The following KIFC3 variants were observed in gnomAD, a reference collection of about 807,000 sequenced individuals.
The protein encoded by KIFC3 is kinesin-like protein KIFC3.
Under a neutral mutation model 101.8 loss-of-function variants are expected in KIFC3, and 60 were observed. The observed-to-expected ratio is 0.59, with a 90% CI of 0.48 to 0.73. The LOEUF (loss-of-function observed/expected upper bound fraction) is 0.73. Among genes scored for constraint, KIFC3 ranks in the 30% least tolerant of loss-of-function variants. KIFC3 has a pLI of 0.00. For synonymous variants in KIFC3, 476 were observed against 482.7 expected, an observed-to-expected ratio of 0.99 and a Z score of 0.18; for missense variants, 966 against 1,137.1, an observed-to-expected ratio of 0.85 and a Z score of 2.16.
chr16:57,840,058 C>T (rs1328398149), intron 1 of KIFC3, among the ~76,000 whole-genome samples: 1 of 152,138 alleles, frequency 6.6e-6, no homozygotes, highest in South Asian at 2.1e-4. Flanking sequence ...CCTAGCTTAG[C>T]CAGCCAAGGT....
intron 1 of KIFC3, among the ~76,000 whole-genome samples, chr16:57,827,008 G>C (rs372342807): frequency 1.3e-5 from 2 of 152,162 alleles, no homozygotes; most frequent in South Asian, 2.1e-4. Flanking sequence ...TGCTAGGAAG[G>C]CTCTGCAACT....
chr16:57,800,992 A>G (rs2054687794), intron 1 of KIFC3, among the ~76,000 whole-genome samples: 3 of 152,152 alleles, frequency 2.0e-5, no homozygotes, highest in South Asian at 4.1e-4. Flanking sequence ...CATTATCTCC[A>G]TCTATAAAAT....
At chr16:57,824,372 T>A (rs1381484002) in intron 1 of KIFC3, among the ~76,000 whole-genome samples, 1 of 152,138 alleles carries the variant, frequency 6.6e-6, no homozygotes, top group Non-Finnish European at 1.5e-5. Context: ...AAATGAGATG[T>A]TCACTGCAGA....
chr16:57,844,086 C>T (rs1386590756), intron 1 of KIFC3, among the ~76,000 whole-genome samples: 6 of 149,044 alleles, frequency 4.0e-5, no homozygotes, highest in African/African-American at 7.5e-5. Context: ...CCAGCCTGGG[C>T]GACAGAGTGA....
chr16:57,789,179 G>T (rs74022046), intron 3 of KIFC3, among the ~76,000 whole-genome samples: 4,989 of 152,304 alleles, frequency 0.033, 287 homozygotes, highest in African/African-American at 0.11. Flanking sequence ...GGACCCCCAG[G>T]ACTGCCAAGG....
intron 13 of KIFC3, 21 bp downstream of exon 13, chr16:57,762,119 C>T (rs374874086): frequency 1.3e-5 from 21 of 1,576,926 alleles, no homozygotes; most frequent in African/African-American, 1.3e-5. Flanking sequence ...AGGCCTGCTC[C>T]GCACACCCTG....
intron 3 of KIFC3, chr16:57,774,149 G>C (rs986489170): frequency 6.6e-6 from 1 of 152,268 alleles, no homozygotes; most frequent in African/African-American, 2.4e-5. Flanking sequence ...GCCAGGCAGG[G>C]AGGCAGAGCT....
In KIFC3 at chr16:57,762,134, T is replaced by A; in HGVS notation, c.1748+6A>T. 4 of 1,549,696 alleles carry A rather than the reference T, an allele frequency of 2.6e-6. No individual in the cohort carries two copies. The highest frequency in any genetic ancestry group is 2.6e-6 in the Non-Finnish European group (3 of 1,145,834). The stretch of plus-strand genomic sequence containing the variant: ...AGGCCTGCTCCGCACACCCTGGGGC[T>A]CCCACCTGAGGACCTCATTGTAGAT... On this transcript the variant is annotated splice_donor_region_variant and intron_variant, in intron 13 of 19. Transcript: ENST00000445690.
chr16:57,859,481 A>G (rs1447881489), intron 1 of KIFC3, among the ~76,000 whole-genome samples: 1 of 152,186 alleles, frequency 6.6e-6, no homozygotes, highest in Non-Finnish European at 1.5e-5. Context: ...AAAGAGTCTC[A>G]CTAAGGAGAT....
At chr16:57,801,616 G>A (rs1225936912) in intron 1 of KIFC3, among the ~76,000 whole-genome samples, 1 of 152,270 alleles carries the variant, frequency 6.6e-6, no homozygotes, top group Non-Finnish European at 1.5e-5. Context: ...GAAGGTGAAA[G>A]ACCAGGGGTG....
In KIFC3 at chr16:57,775,000, C is replaced by T. The variant is rs1317712194; in HGVS notation, c.316-2712G>A. The T allele has an allele frequency of 2.6e-6, 4 of 1,533,968 alleles. No individual in the cohort carries two copies. The Admixed American group carries it at 7.9e-5, about 30-fold the overall frequency. On this transcript the variant is annotated intron_variant, in intron 3 of 19. Transcript: ENST00000445690. Reference sequence around the variant, plus strand: ...CTAACCTTGATCATCTCCACTGCCGCCCCTGCCAGGCACTCAGACCCTGAT... The same window carrying T: ...CTAACCTTGATCATCTCCACTGCCGTCCCTGCCAGGCACTCAGACCCTGAT...
At chr16:57,824,051 G>A (rs1345016110) in intron 1 of KIFC3, among the ~76,000 whole-genome samples, 7 of 152,208 alleles carry the variant, frequency 4.6e-5, no homozygotes, top group South Asian at 2.1e-4. Flanking sequence ...GGGAGAGCAC[G>A]TCTTGCTGGT....
chr16:57,770,762 T>C (rs559051295), intron 6 of KIFC3, 62 bp from the exon 7 acceptor site: 46 of 1,321,002 alleles, frequency 3.5e-5, no homozygotes, highest in Non-Finnish European at 4.4e-5. Flanking sequence ...CCCAAGAGCC[T>C]GAGACGCAGC....
chr16:57,843,231 CA>C (rs1171192834), intron 1 of KIFC3, among the ~76,000 whole-genome samples: 1 of 152,154 alleles, frequency 6.6e-6, no homozygotes, highest in Non-Finnish European at 1.5e-5. Context: ...ACAGGCAAAT[CA>C]GGGCAAAATA....
Position 57,801,354 on chromosome 16 carries a change from CATCT to C in KIFC3, c.-40+1012_-40+1015del, listed in dbSNP as rs533742534. Among the ~76,000 whole-genome samples, 28 of 152,314 alleles carry C rather than the reference CATCT, an allele frequency of 1.8e-4. 1 individual carries two copies. The South Asian group carries it at 5.8e-3, about 32-fold the overall frequency. ...GGAATGCCACCTCCCTGCACACCATCATCTATCCTGGGCTTTCCAGGGCAACCTA... is the reference window on the plus strand; with the variant it reads ...GGAATGCCACCTCCCTGCACACCATCATCCTGGGCTTTCCAGGGCAACCTA... On this transcript the variant is annotated intron_variant, in intron 1 of 19. Transcript: ENST00000445690.
At chr16:57,785,446 C>T (rs1210294818) in intron 3 of KIFC3, 1 of 1,277,498 alleles carries the variant, frequency 7.8e-7, no homozygotes, top group African/African-American at 1.5e-5. Flanking sequence ...CTCTGCCCAT[C>T]CCAGCCTCCC....
intron 1 of KIFC3, among the ~76,000 whole-genome samples, chr16:57,843,099 CT>C (rs1431355848): frequency 2.0e-5 from 3 of 152,154 alleles, no homozygotes; most frequent in Non-Finnish European, 4.4e-5. Flanking sequence ...CACCATTGCA[CT>C]CTAGCCTGGG....
intron 1 of KIFC3, among the ~76,000 whole-genome samples, chr16:57,843,218 C>A (rs1209434565): frequency 3.3e-5 from 5 of 152,248 alleles, no homozygotes; most frequent in African/African-American, 1.2e-4. Flanking sequence ...ATAAAAGAAT[C>A]TCACAGGCAA....
Position 57,760,823 on chromosome 16 carries a change from C to G in KIFC3, c.2135G>C (p.Arg712Pro). 1 of 1,613,434 alleles carries G rather than the reference C, an allele frequency of 6.2e-7. No individual in the cohort carries two copies. Among genetic ancestry groups the G allele is most frequent in the Non-Finnish European group, 8.5e-7 (1 of 1,179,962 alleles). ...SALGDVIAAL[R>P]SRQGHVPFRN... ...GAAGGGCACGTGGCCCTGGCGGGAG[C>G]GCAGGGCAGCAATGACGTCCCCCAG... The change falls in exon 16 of 20, where the codon CGC becomes CCC. Residue 712 changes from arginine to proline, a missense_variant. By Grantham distance (103) the Arg-to-Pro change is moderately radical (BLOSUM62 -2). Around this residue, in one of 2 missense-constraint regions of KIFC3, gnomAD observed 689 missense variants for 884.6 expected, o/e 0.78. Coordinates refer to ENST00000445690, the MANE Select transcript of KIFC3 (RefSeq NM_001130100.2).
Sources: gnomAD v4.1 joint callset for allele counts (sites outside exome capture counted in the v4.1 genomes callset) on GRCh38, gnomAD v4.1.1 for gene constraint, gnomAD v4.1.1 regional missense constraint, MANE v1.5 for transcripts, NCBI Gene and HGNC (gene_info 2026-07-23, HGNC 2026-07-21) for gene names.